Variants in RBFOX1 observed in about 807,000 individuals in gnomAD.
RBFOX1 encodes the protein RNA binding protein fox-1 homolog 1.
In RBFOX1, 8 loss-of-function variants were observed where a neutral mutation model predicts 57.7. The observed-to-expected ratio is 0.14, with a 90% CI of 0.08 to 0.25. The LOEUF (loss-of-function observed/expected upper bound fraction) is 0.25, where lower values mean the gene tolerates loss of function less well. Ranked by LOEUF, RBFOX1 falls within the 10% of genes least tolerant of loss-of-function variation. The probability of loss-of-function intolerance (pLI) is 1.00; values close to 1 mark genes in which losing one functional copy is unlikely to be tolerated. For synonymous variants in RBFOX1, 326 were observed against 222.4 expected, an observed-to-expected ratio of 1.47 and a Z score of -4.15; for missense variants, 611 against 548.5, an observed-to-expected ratio of 1.11 and a Z score of -1.14.
At chr16:5,799,294 A>G (rs1216771807) in intron 3 of RBFOX1, among the ~76,000 whole-genome samples, 3 of 152,076 alleles carry the variant, frequency 2.0e-5, no homozygotes, top group Non-Finnish European at 2.9e-5. Flanking sequence ...CCCACAACAC[A>G]TGGGAATTAT....
At chr16:7,559,752 AC>A (rs1158509319) in intron 5 of RBFOX1, among the ~76,000 whole-genome samples, 1 of 152,018 alleles carries the variant, frequency 6.6e-6, no homozygotes, top group Non-Finnish European at 1.5e-5. Flanking sequence ...CTTTTCATCT[AC>A]CCTCCTTAGT....
intron 4 of RBFOX1, among the ~76,000 whole-genome samples, chr16:7,387,371 A>T (rs1478492175): frequency 3.3e-5 from 5 of 152,176 alleles, no homozygotes; most frequent in Admixed American, 1.3e-4. Flanking sequence ...TAAAGAGAGG[A>T]TGTGGATTCT....
chr16:6,423,758 G>A (rs1229147736), intron 2 of RBFOX1, among the ~76,000 whole-genome samples: 2 of 152,148 alleles, frequency 1.3e-5, no homozygotes, highest in Non-Finnish European at 2.9e-5. Flanking sequence ...GCCGCCAGAT[G>A]AGAGTTCAGC....
intron 4 of RBFOX1, among the ~76,000 whole-genome samples, chr16:5,993,692 G>T (rs918683638): frequency 3.9e-5 from 6 of 152,102 alleles, no homozygotes; most frequent in Admixed American, 3.3e-4. Flanking sequence ...GAGTTGTGTC[G>T]CTGCATTAAT....
chr16:5,822,294 A>G (rs2055884208), intron 3 of RBFOX1, among the ~76,000 whole-genome samples: 1 of 152,146 alleles, frequency 6.6e-6, no homozygotes, highest in African/African-American at 2.4e-5. Context: ...GAATAGGGAG[A>G]GGGGCAAGGG....
At chr16:7,629,189 G>A (rs1414443842) in intron 10 of RBFOX1, among the ~76,000 whole-genome samples, 1 of 152,156 alleles carries the variant, frequency 6.6e-6, no homozygotes, top group African/African-American at 2.4e-5. Context: ...GGATGGAGTT[G>A]TCAGACCGGT....
intron 4 of RBFOX1, among the ~76,000 whole-genome samples, chr16:7,453,518 G>C (rs2057829331): frequency 6.6e-6 from 1 of 152,176 alleles, no homozygotes; most frequent in Admixed American, 6.5e-5. Context: ...GCAGGGGCTG[G>C]TCCTTTAGAA....
At chr16:6,517,274 C>T (rs1025959085) in intron 2 of RBFOX1, among the ~76,000 whole-genome samples, 10 of 152,294 alleles carry the variant, frequency 6.6e-5, no homozygotes, top group Admixed American at 3.3e-4. Flanking sequence ...TCTGCATATT[C>T]AGTTTGCTCT....
At chr16:7,220,836 T>C (rs2092674269) in intron 4 of RBFOX1, among the ~76,000 whole-genome samples, 1 of 152,132 alleles carries the variant, frequency 6.6e-6, no homozygotes, top group Non-Finnish European at 1.5e-5. Context: ...TCTCTTGATC[T>C]CTATCCACCC....
intron 3 of RBFOX1, among the ~76,000 whole-genome samples, chr16:6,865,243 T>A (rs2059721327): frequency 6.6e-6 from 1 of 152,020 alleles, no homozygotes; most frequent in African/African-American, 2.4e-5. Flanking sequence ...CCTCAGGTGA[T>A]CCACCCGCCT....
intron 4 of RBFOX1, among the ~76,000 whole-genome samples, chr16:7,271,236 C>T (rs1180502658): frequency 3.3e-5 from 5 of 152,020 alleles, no homozygotes; most frequent in South Asian, 2.1e-4. Flanking sequence ...TTTGTCTACA[C>T]GTGTTTCCTA....
At chr16:7,462,954 C>G (rs142359720) in intron 4 of RBFOX1, among the ~76,000 whole-genome samples, 31 of 152,342 alleles carry the variant, frequency 2.0e-4, no homozygotes, top group African/African-American at 7.5e-4. Flanking sequence ...CTCCTGATCT[C>G]AAGATCTGTA....
At chr16:6,658,851 A>G (rs1201491950) in intron 3 of RBFOX1, among the ~76,000 whole-genome samples, 3 of 151,918 alleles carry the variant, frequency 2.0e-5, no homozygotes, top group Non-Finnish European at 4.4e-5. Context: ...TGTCCTAGGG[A>G]GATCCTAAGG....
At chr16:7,056,855 G>C (rs2052469673) in intron 4 of RBFOX1, among the ~76,000 whole-genome samples, 2 of 152,106 alleles carry the variant, frequency 1.3e-5, no homozygotes, top group South Asian at 4.2e-4. Context: ...TGACTCTATA[G>C]TCAGCATACT....
intron 1 of RBFOX1, among the ~76,000 whole-genome samples, chr16:6,112,932 G>T (rs2096461896): frequency 6.6e-6 from 1 of 152,152 alleles, no homozygotes; most frequent in Admixed American, 6.5e-5. Flanking sequence ...TTTATTGTTT[G>T]CATTTTTAAC....
intron 1 of RBFOX1, among the ~76,000 whole-genome samples, chr16:6,034,076 C>T (rs191357310): frequency 5.3e-5 from 8 of 151,940 alleles, no homozygotes; most frequent in East Asian, 3.9e-4. Context: ...GGCTCATGCC[C>T]GTAATCCCAG....
At chr16:5,322,616 A>G (rs1442262186) in intron 1 of RBFOX1, among the ~76,000 whole-genome samples, 3 of 152,182 alleles carry the variant, frequency 2.0e-5, no homozygotes, top group Non-Finnish European at 4.4e-5. Context: ...CTCTTAGAGC[A>G]AGGGGACACT....
At chr16:7,433,953 A>G (rs1432748382) in intron 4 of RBFOX1, among the ~76,000 whole-genome samples, 1 of 152,218 alleles carries the variant, frequency 6.6e-6, no homozygotes, top group Non-Finnish European at 1.5e-5. Flanking sequence ...TTATAAGCTG[A>G]ATAGTTAAGT....
chr16:7,288,060 A>G (rs529634164), intron 4 of RBFOX1, among the ~76,000 whole-genome samples: 1 of 152,278 alleles, frequency 6.6e-6, no homozygotes, highest in African/African-American at 2.4e-5. Context: ...AAGGAGTAAC[A>G]TGGTCTCCTT....
Sources: allele counts gnomAD v4.1 joint callset (sites outside exome capture counted in the v4.1 genomes callset), GRCh38; gene constraint gnomAD v4.1.1; transcripts MANE v1.5; gene names NCBI Gene and HGNC (gene_info 2026-07-23, HGNC 2026-07-21).